Variants in NAMPT observed in about 807,000 individuals in gnomAD.
NAMPT encodes the protein nicotinamide phosphoribosyltransferase, also known as NAmPRTase.
NAMPT carries 7 observed loss-of-function variants against 58.7 expected under a neutral mutation model. The ratio of observed to expected loss-of-function variants is 0.12; its 90% CI spans 0.07 to 0.22. The LOEUF (loss-of-function observed/expected upper bound fraction) is 0.22, where lower values mean the gene tolerates loss of function less well. Among genes scored for constraint, NAMPT ranks in the 10% least tolerant of loss-of-function variants. NAMPT has a pLI of 1.00. For synonymous variants in NAMPT, 145 were observed against 198.1 expected (o/e 0.73, Z 2.25); for missense variants, 271 against 567.9 (o/e 0.48, Z 5.31).
At chr7:106,273,486 T>C (rs1586023904) in intron 3 of NAMPT, among the ~76,000 whole-genome samples, 1 of 152,284 alleles carries the variant, frequency 6.6e-6, no homozygotes, top group Admixed American at 6.5e-5. Flanking sequence ...AAAAAGAACA[T>C]TGCCCTACAG....
intron 10 of NAMPT, among the ~76,000 whole-genome samples, 193 bp downstream of exon 10, chr7:106,252,824 C>T (rs1036796589): frequency 2.6e-5 from 4 of 152,136 alleles, no homozygotes; most frequent in Non-Finnish European, 5.9e-5. Context: ...TATGTATACA[C>T]AGGCCCCGTG....
At chr7:106,277,393 C>A (rs1358588516) in intron 1 of NAMPT, among the ~76,000 whole-genome samples, 1 of 152,182 alleles carries the variant, frequency 6.6e-6, no homozygotes, top group East Asian at 1.9e-4. Context: ...TTAAATTTTA[C>A]ATACAAGCAC....
upstream of NAMPT, chr7:106,285,001 G>C (rs1043747605): frequency 2.7e-6 from 4 of 1,456,994 alleles, no homozygotes; most frequent in Non-Finnish European, 3.7e-6. Flanking sequence ...CGGCGGAGGA[G>C]GGGGAGAGGG....
At chr7:106,251,811 C>G (rs576907070) in intron 10 of NAMPT, among the ~76,000 whole-genome samples, 1 of 152,054 alleles carries the variant, frequency 6.6e-6, no homozygotes, top group Non-Finnish European at 1.5e-5. Flanking sequence ...TTCATCCATA[C>G]AAGAGTAGCA....
intron 1 of NAMPT, 97 bp downstream of exon 1, chr7:106,284,731 A>AG: frequency 3.3e-5 from 2 of 61,068 alleles, no homozygotes; most frequent in Non-Finnish European, 5.6e-5. Context: ...CCCCAGCCCC[A>AG]GCCCCAACCC....
At chr7:106,267,147 T>C (rs1039094040) in intron 6 of NAMPT, among the ~76,000 whole-genome samples, 5 of 152,260 alleles carry the variant, frequency 3.3e-5, no homozygotes, top group Admixed American at 1.3e-4. Context: ...GAAGATTTTG[T>C]ATATTTCTAT....
rs1328657786 is a variant in NAMPT, at chr7:106,250,538, A to G, written c.*545T>C. 6.5e-6 allele frequency: 1 copy of G among 154,592 alleles called. No individual in the cohort carries two copies. The highest frequency in any genetic ancestry group is 1.9e-4 in the East Asian group (1 of 5,232). The allele number at this position is 154,592 out of a possible 1,614,324, so 9.6% of individuals were successfully genotyped here. A position where few individuals can be genotyped will look rare whatever the true frequency, so the allele number is the denominator to read the frequency against. ...CCCGACATAATTTTCAAATTGTACA[A>G]TAACACAAACAACTTTGTTAAGGCC... On this transcript the variant is annotated 3_prime_UTR_variant, in exon 11 of 11. Coordinates refer to ENST00000222553, the MANE Select transcript of NAMPT (RefSeq NM_005746.3).
At chr7:106,285,103 G>A (rs1792847072), upstream of NAMPT, 1 of 1,343,544 alleles carries the variant, frequency 7.4e-7, no homozygotes, top group Non-Finnish European at 9.6e-7. Flanking sequence ...CGTGCTCGCA[G>A]TCTGGGAGCT....
At chr7:106,253,217 C>T (rs1792134345) in intron 9 of NAMPT, 66 bp from the exon 10 acceptor site, 2 of 1,542,078 alleles carry the variant, frequency 1.3e-6, no homozygotes, top group African/African-American at 1.4e-5. Flanking sequence ...TAAACACTCC[C>T]TTACAAAAAA....
Position 106,258,965 on chromosome 7 carries a change from C to T in NAMPT, c.1089+2623G>A, listed in dbSNP as rs1010396001. 7.2e-5 allele frequency among the ~76,000 whole-genome samples: 11 copies of T among 152,308 alleles called. No homozygotes were observed. In the South Asian group the frequency reaches 1.2e-3, roughly 17 times the overall value. The stretch of plus-strand genomic sequence containing the variant: ...CTTGCGATGCTGTTTGGTACGATAG[C>T]GTTCACCCACACAAGAACTTCTTTC... On this transcript the variant is annotated intron_variant, in intron 8 of 10. Coordinates refer to ENST00000222553, the MANE Select transcript of NAMPT (RefSeq NM_005746.3).
In NAMPT at chr7:106,267,840, C is replaced by CAAAAAAAAAAAAAAAAAAAAAA. The variant is rs769070307; in HGVS notation, c.743+602_743+623dup. On this transcript the variant is annotated intron_variant, in intron 6 of 10. Transcript: ENST00000222553. ...TGGGCGACAGAGCGAGACTCCGTCT[C>CAAAAAAAAAAAAAAAAAAAAAA]AAAAAAAAAAAAAAAAAAAAAAAAA... 9.3e-4 allele frequency among the ~76,000 whole-genome samples: 31 copies of CAAAAAAAAAAAAAAAAAAAAAA among 33,176 alleles called. 13 individuals carry two copies. Among genetic ancestry groups the CAAAAAAAAAAAAAAAAAAAAAA allele is most frequent in the East Asian group, 5.8e-3 (5 of 858 alleles). 21.8% of individuals were successfully genotyped at this position (33,176 alleles called of 152,430 possible).
intron 3 of NAMPT, among the ~76,000 whole-genome samples, chr7:106,274,216 C>T (rs928857320): frequency 6.6e-6 from 1 of 151,762 alleles, no homozygotes; most frequent in Non-Finnish European, 1.5e-5. Context: ...TAGTGATAGA[C>T]TCACAGCATC....
At chr7:106,284,107 G>A (rs1030831010) in intron 1 of NAMPT, among the ~76,000 whole-genome samples, 3 of 152,174 alleles carry the variant, frequency 2.0e-5, no homozygotes, top group African/African-American at 4.8e-5. Flanking sequence ...CCTTTTCACA[G>A]AAATCCTGTA....
intron 9 of NAMPT, among the ~76,000 whole-genome samples, 190 bp downstream of exon 9, chr7:106,254,174 C>CT (rs1406073560): frequency 2.6e-5 from 4 of 152,090 alleles, no homozygotes; most frequent in Non-Finnish European, 5.9e-5. Context: ...TTCCAAATCT[C>CT]TGTCTCCTTA....
At chr7:106,265,425 T>G (rs187932681) in intron 6 of NAMPT, among the ~76,000 whole-genome samples, 3 of 152,230 alleles carry the variant, frequency 2.0e-5, no homozygotes, top group Admixed American at 2.0e-4. Flanking sequence ...TTTTTTCCCC[T>G]ATTTCTATGG....
At chr7:106,280,920 A>G (rs905487992) in intron 1 of NAMPT, among the ~76,000 whole-genome samples, 8 of 151,760 alleles carry the variant, frequency 5.3e-5, no homozygotes, top group African/African-American at 1.9e-4. Context: ...CAGCCTGGGC[A>G]ACAGAGCAAC....
At chr7:106,252,926 A>C in intron 10 of NAMPT, 91 bp downstream of exon 10, 1 of 1,457,904 alleles carries the variant, frequency 6.9e-7, no homozygotes, top group Non-Finnish European at 9.3e-7. Flanking sequence ...TTTGTCTTCC[A>C]CAAAAACAAT....
chr7:106,270,571 G>C (rs1792513327), intron 4 of NAMPT, among the ~76,000 whole-genome samples: 1 of 152,096 alleles, frequency 6.6e-6, no homozygotes, highest in African/African-American at 2.4e-5. Context: ...CTGTCCTTAT[G>C]ATTCGCTTTT....
At chr7:106,267,560 C>T (rs553583947) in intron 6 of NAMPT, among the ~76,000 whole-genome samples, 18 of 152,066 alleles carry the variant, frequency 1.2e-4, no homozygotes, top group Admixed American at 3.3e-4. Context: ...ACCTGATTTA[C>T]GCCGGGCGCG....
Sources: gnomAD v4.1 joint callset for allele counts (sites outside exome capture counted in the v4.1 genomes callset) on GRCh38, gnomAD v4.1.1 for gene constraint, MANE v1.5 for transcripts, NCBI Gene and HGNC (gene_info 2026-07-23, HGNC 2026-07-21) for gene names.